ASTN2: variants seen among roughly 807,000 people sequenced by gnomAD.
ASTN2 encodes the protein astrotactin 2.
ASTN2 carries 54 observed loss-of-function variants against 139.8 expected under a neutral mutation model. The observed-to-expected ratio is 0.39, with a 90% confidence interval of 0.31 to 0.48. ASTN2 has a LOEUF of 0.48. Ranked by LOEUF, ASTN2 falls within the 20% of genes least tolerant of loss-of-function variation. The probability of loss-of-function intolerance (pLI) is 0.95; values close to 1 mark genes in which losing one functional copy is unlikely to be tolerated. For synonymous variants in ASTN2, 756 were observed against 719.5 expected, an observed-to-expected ratio of 1.05 and a Z score of -0.81; for missense variants, 1,565 against 1,725.1, an observed-to-expected ratio of 0.91 and a Z score of 1.64.
At chr9:116,919,960 A>AT (rs1834555916) in intron 10 of ASTN2, among the ~76,000 whole-genome samples, 1 of 144,582 alleles carries the variant, frequency 6.9e-6, no homozygotes, top group Non-Finnish European at 1.6e-5. Context: ...AAAAAAAGTA[A>AT]TTTTTTAATA....
intron 5 of ASTN2, among the ~76,000 whole-genome samples, chr9:117,047,880 A>C (rs1838790973): frequency 6.6e-6 from 1 of 152,114 alleles, no homozygotes; most frequent in Admixed American, 6.5e-5. Context: ...CACTACCACT[A>C]TCACTAGTAA....
intron 13 of ASTN2, among the ~76,000 whole-genome samples, chr9:116,791,010 A>C (rs1245399252): frequency 7.9e-6 from 1 of 126,860 alleles, no homozygotes; most frequent in Admixed American, 8.3e-5. Context: ...AAAGAAAGAA[A>C]GAAAGAAAGA....
At chr9:116,491,483 C>A (rs1457551474) in intron 19 of ASTN2, among the ~76,000 whole-genome samples, 1 of 152,098 alleles carries the variant, frequency 6.6e-6, no homozygotes, top group African/African-American at 2.4e-5. Flanking sequence ...CAATTGAATT[C>A]CCGCCACACT....
At chr9:117,357,901 G>T (rs1015829816) in intron 1 of ASTN2, among the ~76,000 whole-genome samples, 5 of 152,144 alleles carry the variant, frequency 3.3e-5, no homozygotes, top group African/African-American at 1.2e-4. Flanking sequence ...TGATAAGAAG[G>T]CAAAGATTGT....
chr9:116,806,358 A>T (rs373333655), intron 12 of ASTN2, among the ~76,000 whole-genome samples: 16 of 152,316 alleles, frequency 1.1e-4, no homozygotes, highest in African/African-American at 3.6e-4. Context: ...AGCCTTTGAG[A>T]CAGGGGTGGC....
chr9:116,563,454 A>C (rs1057283683), intron 19 of ASTN2, among the ~76,000 whole-genome samples: 1 of 152,180 alleles, frequency 6.6e-6, no homozygotes, highest in Non-Finnish European at 1.5e-5. Context: ...AGAATTTGCA[A>C]TAGAGAGAAC....
chr9:116,755,115 G>A (rs1232991826), intron 13 of ASTN2, among the ~76,000 whole-genome samples: 1 of 152,120 alleles, frequency 6.6e-6, no homozygotes, highest in African/African-American at 2.4e-5. Context: ...AGATCTGGGT[G>A]CCCCAGCTAT....
chr9:116,855,161 G>A (rs1230296030), intron 11 of ASTN2, among the ~76,000 whole-genome samples: 2 of 152,144 alleles, frequency 1.3e-5, no homozygotes, highest in African/African-American at 4.8e-5. Context: ...CAAATGTCAT[G>A]AGAAGAAAAA....
intron 19 of ASTN2, among the ~76,000 whole-genome samples, chr9:116,543,454 T>C (rs1357352046): frequency 6.7e-6 from 1 of 148,346 alleles, no homozygotes; most frequent in Non-Finnish European, 1.5e-5. Context: ...AAAAAAAAAA[T>C]TGTCAGTCTA....
chr9:116,850,579 G>A (rs189560766), intron 11 of ASTN2, among the ~76,000 whole-genome samples: 41 of 152,260 alleles, frequency 2.7e-4, no homozygotes, highest in South Asian at 1.2e-3. Context: ...TCACAGGATG[G>A]AGACTGAGAT....
chr9:117,362,918 T>C lies in ASTN2; in HGVS notation c.442+51579A>G, dbSNP rs572283019. Among the ~76,000 whole-genome samples the C allele has an allele frequency of 1.5e-3, 224 of 152,296 alleles. 2 individuals are homozygous for C. The highest frequency in any genetic ancestry group is 4.4e-3 in the South Asian group (21 of 4,826). ...TTCTGGAATTGTGTGAGAAGCCTGC[T>C]CTGCTCCCTAGAAATTTCACTTATA... On this transcript the variant is annotated intron_variant, in intron 1 of 22. Transcript: ENST00000313400.
chr9:117,005,500 T>C (rs948463254), intron 7 of ASTN2, among the ~76,000 whole-genome samples: 8 of 152,228 alleles, frequency 5.3e-5, no homozygotes, highest in African/African-American at 1.9e-4. Context: ...CTCAATGTGG[T>C]CAATCCAGGT....
In ASTN2 at chr9:116,839,881, A is replaced by ATTATTATTATT. The variant is rs55634992; in HGVS notation, c.2041-19099_2041-19098insAATAATAATAA. On this transcript the variant is annotated intron_variant, in intron 11 of 22. Transcript: ENST00000313400. The stretch of plus-strand genomic sequence containing the variant: ...TTTCATTATTATTATTATTATTATT[A>ATTATTATTATT]TTTTTTTTTTTTTAATTGATCATTC... Among the ~76,000 whole-genome samples, 175 of 127,962 alleles carry ATTATTATTATT rather than the reference A, an allele frequency of 1.4e-3. 1 individual carries two copies. The highest frequency in any genetic ancestry group is 5.0e-3 in the African/African-American group (165 of 33,236). 83.9% of individuals were successfully genotyped at this position (127,962 alleles called of 152,430 possible). A position where few individuals can be genotyped will look rare whatever the true frequency, so the allele number is the denominator to read the frequency against.
At chr9:117,016,872 T>C (rs1045900383) in intron 6 of ASTN2, among the ~76,000 whole-genome samples, 1 of 150,558 alleles carries the variant, frequency 6.6e-6, no homozygotes, top group South Asian at 2.1e-4. Flanking sequence ...TATTTCCAAA[T>C]AGACATCTTC....
chr9:117,280,348 A>G (rs975805959), intron 2 of ASTN2, among the ~76,000 whole-genome samples: 8 of 152,198 alleles, frequency 5.3e-5, no homozygotes, highest in Admixed American at 4.6e-4. Flanking sequence ...ATATGCCCAC[A>G]CCCTAATCCC....
At chr9:117,112,314 C>T (rs1412219425) in intron 4 of ASTN2, among the ~76,000 whole-genome samples, 1 of 151,490 alleles carries the variant, frequency 6.6e-6, no homozygotes, top group African/African-American at 2.4e-5. Flanking sequence ...TATGAAAGTG[C>T]AAGTAATCCA....
chr9:117,091,000 C>G (rs533046363), intron 5 of ASTN2, among the ~76,000 whole-genome samples: 1 of 152,286 alleles, frequency 6.6e-6, no homozygotes, highest in East Asian at 1.9e-4. Context: ...CTCAAAGAAC[C>G]CAGGCAGAGT....
chr9:116,784,929 CAAAAAAA>C (rs58241855), intron 13 of ASTN2, among the ~76,000 whole-genome samples: 1 of 104,172 alleles, frequency 9.6e-6, no homozygotes, highest in Non-Finnish European at 1.9e-5. Context: ...AACTCCGCCT[CAAAAAAA>C]AAAAAAAAAA....
chr9:117,405,885 T>G (rs1463641063), intron 1 of ASTN2, among the ~76,000 whole-genome samples: 3 of 152,186 alleles, frequency 2.0e-5, no homozygotes, highest in African/African-American at 7.2e-5. Context: ...TTGTTCTCAT[T>G]AGCCATCCTG....
Sources: gnomAD v4.1 joint callset for allele counts (sites outside exome capture counted in the v4.1 genomes callset) on GRCh38, gnomAD v4.1.1 for gene constraint, MANE v1.5 for transcripts, NCBI Gene and HGNC (gene_info 2026-07-23, HGNC 2026-07-21) for gene names.